The following BCAS3 variants were observed in gnomAD, a reference collection of about 807,000 sequenced individuals.
BCAS3 encodes BCAS4/BCAS3 fusion.
In BCAS3, 53 loss-of-function variants were observed where a neutral mutation model predicts 116.1. That is an observed-to-expected ratio of 0.46 (90% CI 0.37 to 0.57). The LOEUF is 0.57. Ranked by LOEUF, BCAS3 falls within the 20% of genes least tolerant of loss-of-function variation. BCAS3 has a pLI of 0.00. For missense variants in BCAS3, 917 were observed against 1,165.4 expected (o/e 0.79, Z 3.10); for synonymous variants, 391 against 408.2 (o/e 0.96, Z 0.51).
rs2048231896 is a variant in BCAS3, at chr17:61,249,759, T to G, written c.2426-118568T>G. Reference sequence around the variant, plus strand: ...TGTTTAAGTAGCTGCTCTCTGCCCATTATTTTGATAATTACTACACCTTAA... The same window carrying G: ...TGTTTAAGTAGCTGCTCTCTGCCCAGTATTTTGATAATTACTACACCTTAA... On this transcript the variant is annotated intron_variant, in intron 22 of 23. Transcript: ENST00000407086. This position sits in a 1 kb window ranked among gnomAD's most constrained non-coding sequence, Gnocchi z 6.2. 6.6e-6 allele frequency among the ~76,000 whole-genome samples: 1 copy of G among 151,804 alleles called. No individual in the cohort carries two copies. Among genetic ancestry groups the G allele is most frequent in the Admixed American group, 6.5e-5 (1 of 15,278 alleles).
At chr17:61,110,570 C>T (rs1158360590) in intron 22 of BCAS3, among the ~76,000 whole-genome samples, 2 of 152,346 alleles carry the variant, frequency 1.3e-5, no homozygotes, top group South Asian at 2.1e-4. Context: ...GATTATATCC[C>T]GCACCTGGCT....
intron 2 of BCAS3, among the ~76,000 whole-genome samples, chr17:60,681,796 C>T (rs894444194): frequency 6.6e-6 from 1 of 152,080 alleles, no homozygotes; most frequent in Non-Finnish European, 1.5e-5. Flanking sequence ...ATGGCACGAT[C>T]TCGGCTCACC....
chr17:61,167,280 C>T (rs993071209), intron 22 of BCAS3, among the ~76,000 whole-genome samples: 6 of 152,098 alleles, frequency 3.9e-5, no homozygotes, highest in African/African-American at 7.2e-5. Flanking sequence ...AAATGCTTAT[C>T]GTAATATTAG....
intron 6 of BCAS3, among the ~76,000 whole-genome samples, chr17:60,759,372 G>A (rs189009960): frequency 2.0e-5 from 3 of 152,286 alleles, no homozygotes; most frequent in East Asian, 1.9e-4. Context: ...TGTTCTATAC[G>A]TGCCTGTTAG....
Position 60,960,583 on chromosome 17 carries a change from T to A in BCAS3, c.1221+13231T>A, listed in dbSNP as rs2061364666. On this transcript the variant is annotated intron_variant, in intron 14 of 23. Coordinates refer to ENST00000407086, the MANE Select transcript of BCAS3 (RefSeq NM_017679.5). This position sits in a 1 kb window ranked among gnomAD's most constrained non-coding sequence, Gnocchi z 4.1. The stretch of plus-strand genomic sequence containing the variant: ...AGGCACTGCCCTCCTGGACTGCGGC[T>A]TCATTTTCTGGGCCTGTGGCTCTGC... Among the ~76,000 whole-genome samples the A allele has an allele frequency of 6.6e-6, 1 of 152,142 alleles. No individual in the cohort carries two copies. The highest frequency in any genetic ancestry group is 1.5e-5 in the Non-Finnish European group (1 of 68,014).
chr17:61,007,558 T>G lies in BCAS3; in HGVS notation c.1487-8193T>G. On this transcript the variant is annotated intron_variant, in intron 15 of 23. Coordinates refer to ENST00000407086, the MANE Select transcript of BCAS3 (RefSeq NM_017679.5). This position sits in a 1 kb window ranked among gnomAD's most constrained non-coding sequence, Gnocchi z 4.3. ...AATTATTTATTGGAGTATTCGTACA[T>G]AAATATATACAGTTTCAATTCTCCT... Among the ~76,000 whole-genome samples the G allele has an allele frequency of 6.6e-6, 1 of 152,054 alleles. No individual in the cohort carries two copies. Among genetic ancestry groups the G allele is most frequent in the East Asian group, 1.9e-4 (1 of 5,194 alleles).
chr17:60,795,094 T>C (rs1205649513), intron 6 of BCAS3, among the ~76,000 whole-genome samples: 1 of 152,132 alleles, frequency 6.6e-6, no homozygotes. Flanking sequence ...TTCAGCAGTG[T>C]TTTGTAGTTT....
In BCAS3 at chr17:61,145,429, G is replaced by C. The variant is rs917332821; in HGVS notation, c.2425+60865G>C. Among the ~76,000 whole-genome samples the C allele has an allele frequency of 6.6e-6, 1 of 152,162 alleles. No individual in the cohort carries two copies. The highest frequency in any genetic ancestry group is 1.5e-5 in the Non-Finnish European group (1 of 68,032). ...TCCTGTTCTCTGCTGCAGGGGCTAC[G>C]GAGAGGGAGTGGGGGCTGGGGGAGG... On this transcript the variant is annotated intron_variant, in intron 22 of 23. Transcript: ENST00000407086. The surrounding 1 kb of genome is among the most constrained non-coding windows in gnomAD (Gnocchi z 5.0).
chr17:61,225,668 A>G (rs999033270), intron 22 of BCAS3, among the ~76,000 whole-genome samples: 59 of 152,328 alleles, frequency 3.9e-4, no homozygotes, highest in African/African-American at 1.3e-3. Flanking sequence ...TAAAGCGTCT[A>G]ATTGAAACCA....
chr17:60,679,412 T>G, intron 1 of BCAS3, 41 bp from the exon 2 acceptor site: 1 of 1,469,862 alleles, frequency 6.8e-7, no homozygotes, highest in Non-Finnish European at 9.5e-7. Context: ...CAACGATCCA[T>G]GTTTTTCTGT....
chr17:60,931,664 C>A (rs1306894208), intron 13 of BCAS3, among the ~76,000 whole-genome samples: 5 of 152,156 alleles, frequency 3.3e-5, no homozygotes, highest in Non-Finnish European at 7.3e-5. Context: ...CATAAAATGT[C>A]ATGTTCCCCT....
rs140309750 is a variant in BCAS3 at position 60,854,301 on chromosome 17, A to G, written c.477-14275A>G. On this transcript the variant is annotated intron_variant, in intron 7 of 23. Coordinates refer to ENST00000407086, the MANE Select transcript of BCAS3 (RefSeq NM_017679.5). ...ATTTTCTCAATCCAGTCTATCATTGATGCACATTTGGGTTGGTTCCAAGTC... is the reference window on the plus strand; with the variant it reads ...ATTTTCTCAATCCAGTCTATCATTGGTGCACATTTGGGTTGGTTCCAAGTC... 2.6e-3 allele frequency among the ~76,000 whole-genome samples: 395 copies of G among 152,316 alleles called. 1 individual carries two copies. The highest frequency in any genetic ancestry group is 8.8e-3 in the African/African-American group (365 of 41,562).
intron 22 of BCAS3, among the ~76,000 whole-genome samples, chr17:61,351,817 C>G (rs566415684): frequency 1.6e-4 from 25 of 152,264 alleles, no homozygotes; most frequent in African/African-American, 6.0e-4. Flanking sequence ...GAGGGTAGCT[C>G]CAAGGGCAGG....
rs775836694 is a variant in BCAS3 at position 60,972,210 on chromosome 17, A to G, written c.1222-17761A>G. On this transcript the variant is annotated intron_variant, in intron 14 of 23. Transcript: ENST00000407086. ...ATTAATACCAGTTATATATTCACCA[A>G]CATAAGTCAAAATGATAGTACATTG... Among the ~76,000 whole-genome samples the G allele has an allele frequency of 6.6e-5, 10 of 152,092 alleles. No individual in the cohort carries two copies. The South Asian group carries it at 2.1e-3, about 32-fold the overall frequency.
At position 61,365,683 on chromosome 17, in the gene BCAS3, T is replaced by G. The variant is rs1048273434; in HGVS notation, c.2426-2644T>G. On this transcript the variant is annotated intron_variant, in intron 22 of 23. Coordinates refer to ENST00000407086, the MANE Select transcript of BCAS3 (RefSeq NM_017679.5). The surrounding 1 kb of genome is among the most constrained non-coding windows in gnomAD (Gnocchi z 4.6). The stretch of plus-strand genomic sequence containing the variant: ...CTGCTTTGGCTTTTGATATTCCTCT[T>G]GGTCCCGCTGTCACCCCACCTGCCT... Among the ~76,000 whole-genome samples, 8 of 152,114 alleles carry G rather than the reference T, an allele frequency of 5.3e-5. No individual in the cohort carries two copies. The highest frequency in any genetic ancestry group is 1.5e-5 in the Non-Finnish European group (1 of 68,024).
intron 5 of BCAS3, among the ~76,000 whole-genome samples, chr17:60,739,812 T>G (rs2041348529): frequency 6.6e-6 from 1 of 152,056 alleles, no homozygotes; most frequent in Non-Finnish European, 1.5e-5. Flanking sequence ...TCCAAGAAAG[T>G]TTTTGTCTTT....
At position 61,362,160 on chromosome 17, in the gene BCAS3, C is replaced by T. The variant is rs1441166928; in HGVS notation, c.2426-6167C>T. Among the ~76,000 whole-genome samples the T allele has an allele frequency of 1.3e-5, 2 of 152,190 alleles. No homozygotes were observed. Among genetic ancestry groups the T allele is most frequent in the Admixed American group, 1.3e-4 (2 of 15,288 alleles). ...CTTGTAGTGTGGAGAAAGGGGTGCT[C>T]CCCGCAGCAGCACTCTTAAGCTCCG... On this transcript the variant is annotated intron_variant, in intron 22 of 23. Transcript: ENST00000407086. This position sits in a 1 kb window ranked among gnomAD's most constrained non-coding sequence, Gnocchi z 4.4.
intron 7 of BCAS3, among the ~76,000 whole-genome samples, chr17:60,818,725 C>G (rs2049665548): frequency 1.3e-5 from 2 of 152,170 alleles, no homozygotes; most frequent in African/African-American, 4.8e-5. Flanking sequence ...GCCCATCTCT[C>G]TGGCATTTTT....
At position 60,782,673 on chromosome 17, in the gene BCAS3, CCTCT is replaced by C. The variant is rs2045936063; in HGVS notation, c.404-25329_404-25326del. ...TGATCTTGGCTCACTGCAGCCTCTG[CCTCT>C]CAGGTTCTAGCAATTCACCTGTCTC... is the stretch of plus-strand genomic sequence containing the variant. On this transcript the variant is annotated intron_variant, in intron 6 of 23. Coordinates refer to ENST00000407086, the MANE Select transcript of BCAS3 (RefSeq NM_017679.5). Among the ~76,000 whole-genome samples the C allele has an allele frequency of 2.6e-5, 4 of 151,612 alleles. No individual in the cohort carries two copies. In the South Asian group the frequency reaches 8.4e-4, roughly 32 times the overall value.
Sources: gnomAD v4.1 joint callset for allele counts (sites outside exome capture counted in the v4.1 genomes callset) on GRCh38, gnomAD v4.1.1 for gene constraint, Gnocchi (gnomAD v3.1) non-coding constraint, MANE v1.5 for transcripts, NCBI Gene and HGNC (gene_info 2026-07-23, HGNC 2026-07-21) for gene names.